The following TPO variants were observed in gnomAD, a reference collection of about 807,000 sequenced individuals.
TPO encodes the protein thyroid peroxidase.
Under a neutral mutation model 96.9 loss-of-function variants are expected in TPO, and 78 were observed. The observed-to-expected ratio is 0.81, with a 90% CI of 0.67 to 0.97. The LOEUF is 0.97. Among genes scored for constraint, TPO ranks in the 50% least tolerant of loss-of-function variants. The probability of loss-of-function intolerance (pLI) is 0.00; values close to 1 mark genes in which losing one functional copy is unlikely to be tolerated. For synonymous variants in TPO, 547 were observed against 538.0 expected (o/e 1.02, Z -0.23); for missense variants, 1,252 against 1,274.8 (o/e 0.98, Z 0.27).
At chr2:1,522,137 G>GTGTGA (rs1675346731) in intron 15 of TPO, among the ~76,000 whole-genome samples, 1 of 107,314 alleles carries the variant, frequency 9.3e-6, no homozygotes, top group African/African-American at 3.5e-5. Flanking sequence ...CCCTGCCACC[G>GTGTGA]TGCCCTTACA....
intron 1 of TPO, among the ~76,000 whole-genome samples, chr2:1,375,095 A>C (rs1661702358): frequency 7.0e-6 from 1 of 143,828 alleles, no homozygotes; most frequent in East Asian, 1.9e-4. Flanking sequence ...AAGAGTTTTT[A>C]ATTTTTTTTT....
intron 5 of TPO, 134 bp downstream of exon 5, chr2:1,436,518 C>T (rs1665589541): frequency 3.6e-6 from 5 of 1,393,384 alleles, no homozygotes; most frequent in Non-Finnish European, 4.9e-6. Context: ...TGTCCTTGGC[C>T]TCCCCGACAT....
Position 1,431,610 on chromosome 2 carries a change from G to A in TPO, c.180-1828G>A, listed in dbSNP as rs529853667. On this transcript the variant is annotated intron_variant, in intron 3 of 16. Transcript: ENST00000329066. ...AAAGTTAACATACCCATCACCTTCCGTAGTGATTGGTGTGTACATGTGGTG... is the reference window on the plus strand; with the variant it reads ...AAAGTTAACATACCCATCACCTTCCATAGTGATTGGTGTGTACATGTGGTG... Among the ~76,000 whole-genome samples, 24 of 152,202 alleles carry A rather than the reference G, an allele frequency of 1.6e-4. 1 individual carries two copies. Among genetic ancestry groups the A allele is most frequent in the African/African-American group, 4.6e-4 (19 of 41,528 alleles).
In TPO at chr2:1,477,406, C is replaced by A; in HGVS notation, c.1140C>A (p.Gly380=). 6.6e-7 allele frequency: 1 copy of A among 1,524,742 alleles called. No individual in the cohort carries two copies. Among genetic ancestry groups the A allele is most frequent in the Non-Finnish European group, 8.8e-7 (1 of 1,139,278 alleles). The allele number at this position is 1,524,742 out of a possible 1,614,324, so 94.5% of individuals were successfully genotyped here. The change falls in exon 8 of 17, where the codon GGC becomes GGA. Residue 380 remains glycine (G), a synonymous_variant. Coordinates refer to ENST00000329066, the MANE Select transcript of TPO (RefSeq NM_001206744.2). The stretch of plus-strand genomic sequence containing the variant: ...CTGCGGCCTGTGCGCCCGAGCCCGG[C>A]ATCCCCGGAGAGACCCGCGGGCCCT... ...RAPAACAPEP[G]IPGETRGPCF...
chr2:1,477,564 T>C lies in TPO; in HGVS notation c.1298T>C (p.Val433Ala). 4.6e-6 allele frequency: 7 copies of C among 1,537,162 alleles called. No homozygotes were observed. Among genetic ancestry groups the C allele is most frequent in the Admixed American group, 2.0e-5 (1 of 51,182 alleles). Residue 433 changes from valine (V) to alanine (A), a missense_variant, in exon 8 of 17, where the codon GTG becomes GCG. Val to Ala is a moderately conservative substitution (Grantham distance 64). Coordinates refer to ENST00000329066, the MANE Select transcript of TPO (RefSeq NM_001206744.2). ...AATGCGCACTGGAGCGCGGACGCCG[T>C]GTACCAGGAGGCGCGCAAGGTCGTG... is the stretch of plus-strand genomic sequence containing the variant. Reference protein sequence around the residue: ...ALNAHWSADAVYQEARKVVGA... With the variant: ...ALNAHWSADAAYQEARKVVGA...
At chr2:1,438,715 A>C (rs77913984) in intron 5 of TPO, 15 of 675,568 alleles carry the variant, frequency 2.2e-5, no homozygotes, top group South Asian at 3.2e-5. Flanking sequence ...GAGCAAAGCC[A>C]GTAGGCCTCA....
At chr2:1,466,751 G>A (rs1035436686) in intron 7 of TPO, among the ~76,000 whole-genome samples, 1 of 152,056 alleles carries the variant, frequency 6.6e-6, no homozygotes, top group Admixed American at 6.6e-5. Context: ...TTCTAATTGA[G>A]CTTATTTGGA....
chr2:1,388,878 A>G (rs1661949397), intron 1 of TPO, among the ~76,000 whole-genome samples: 1 of 152,222 alleles, frequency 6.6e-6, no homozygotes, highest in Non-Finnish European at 1.5e-5. Flanking sequence ...ATCTAAATAA[A>G]GTATTTCCAC....
At chr2:1,517,179 G>C (rs1484047003) in intron 15 of TPO, among the ~76,000 whole-genome samples, 197 bp downstream of exon 15, 3 of 152,284 alleles carry the variant, frequency 2.0e-5, no homozygotes, top group South Asian at 4.2e-4. Flanking sequence ...AATGAAAGTG[G>C]AGTGATCATT....
chr2:1,472,134 T>C lies in TPO; in HGVS notation c.820-4952T>C, dbSNP rs58691893. Among the ~76,000 whole-genome samples the C allele has an allele frequency of 6.6e-5, 10 of 151,346 alleles. No individual in the cohort carries two copies. The East Asian group carries it at 1.4e-3, about 21-fold the overall frequency. On this transcript the variant is annotated intron_variant, in intron 7 of 16. Transcript: ENST00000329066. ...CATGCACTTCCTGTGATCTGAACGC[T>C]CATAGAGTGCTCTTCCTGTGATCCA...
At chr2:1,464,439 G>C (rs570479641) in intron 7 of TPO, among the ~76,000 whole-genome samples, 2 of 152,298 alleles carry the variant, frequency 1.3e-5, no homozygotes, top group Admixed American at 1.3e-4. Context: ...GGATCAAATA[G>C]TAGTTCTACT....
chr2:1,457,267 A>C (rs1182359740), intron 7 of TPO, among the ~76,000 whole-genome samples: 1 of 87,338 alleles, frequency 1.1e-5, no homozygotes, highest in Non-Finnish European at 2.2e-5. Flanking sequence ...ACACATATAT[A>C]GCATGTATGA....
At chr2:1,383,800 G>A (rs1661847113) in intron 1 of TPO, among the ~76,000 whole-genome samples, 2 of 152,166 alleles carry the variant, frequency 1.3e-5, no homozygotes, top group Non-Finnish European at 1.5e-5. Flanking sequence ...CCTTGCCCAT[G>A]CCTATGTCCT....
intron 1 of TPO, among the ~76,000 whole-genome samples, chr2:1,405,337 T>A (rs905486056): frequency 7.3e-5 from 11 of 150,968 alleles, no homozygotes; most frequent in Non-Finnish European, 1.6e-4. Context: ...CATCCATCCA[T>A]TCATCATCCA....
At chr2:1,449,531 C>T (rs1160292974) in intron 5 of TPO, among the ~76,000 whole-genome samples, 1 of 152,082 alleles carries the variant, frequency 6.6e-6, no homozygotes, top group East Asian at 1.9e-4. Context: ...TTCAATTGCT[C>T]AAAACAGTTT....
At chr2:1,519,913 C>G (rs1675077669) in intron 15 of TPO, among the ~76,000 whole-genome samples, 2 of 152,120 alleles carry the variant, frequency 1.3e-5, no homozygotes, top group South Asian at 4.1e-4. Flanking sequence ...GAATACCTTT[C>G]CAAGGGAACT....
chr2:1,456,118 G>A lies in TPO; in HGVS notation c.655G>A (p.Val219Ile). 1 of 1,614,012 alleles carries A rather than the reference G, an allele frequency of 6.2e-7. No homozygotes were observed. The highest frequency in any genetic ancestry group is 8.5e-7 in the Non-Finnish European group (1 of 1,180,038). Residue 219 changes from valine to isoleucine, a missense_variant, in exon 7 of 17, where the codon GTT becomes ATT. Transcript: ENST00000329066. ...ACATGTCATTCAAGTTTCAAATGAG[G>A]TTGTCACAGATGATGACCGCTATTC... ...TRHVIQVSNEVVTDDDRYSDL... is the reference protein window; with the variant it reads ...TRHVIQVSNEIVTDDDRYSDL...
In TPO at chr2:1,493,789, C is replaced by G. The variant is rs1672046211; in HGVS notation, c.1769-13C>G. The G allele has an allele frequency of 6.2e-7, 1 of 1,613,532 alleles. No individual in the cohort carries two copies. The highest frequency in any genetic ancestry group is 8.5e-7 in the Non-Finnish European group (1 of 1,179,614). ...TTCTGTGAGAGAAACCCTGCAGCCT[C>G]TCCCCTGTGCAGGTTACAATGAGTG... is the stretch of plus-strand genomic sequence containing the variant. On this transcript the variant is annotated splice_polypyrimidine_tract_variant and intron_variant, in intron 10 of 16. Coordinates refer to ENST00000329066, the MANE Select transcript of TPO (RefSeq NM_001206744.2).
intron 15 of TPO, among the ~76,000 whole-genome samples, chr2:1,528,749 CA>C (rs1677239944): frequency 7.9e-6 from 1 of 127,188 alleles, no homozygotes; most frequent in Non-Finnish European, 1.6e-5. Context: ...AAATCCCCCA[CA>C]CTGTGTGCAG....
Sources: gnomAD v4.1 joint callset for allele counts (sites outside exome capture counted in the v4.1 genomes callset) on GRCh38, gnomAD v4.1.1 for gene constraint, MANE v1.5 for transcripts, NCBI Gene and HGNC (gene_info 2026-07-23, HGNC 2026-07-21) for gene names.